ACVR1: variants seen among roughly 807,000 people sequenced by gnomAD.
ACVR1 encodes activin A receptor type 1, also known as activin receptor type-1.
A neutral mutation model predicts 57.1 loss-of-function variants in ACVR1; 38 were observed. That is an observed-to-expected ratio of 0.67 (90% confidence interval 0.51 to 0.87). The LOEUF is 0.87. ACVR1 is among the 40% of genes least tolerant of loss of function. The pLI, the probability that ACVR1 is intolerant of heterozygous loss-of-function variation, is 0.00. For missense variants in ACVR1, 463 were observed against 638.2 expected (o/e 0.73, Z 2.96); for synonymous variants, 212 against 228.1 (o/e 0.93, Z 0.63).
At chr2:157,744,551 C>T (rs1684891068) in intron 9 of ACVR1, among the ~76,000 whole-genome samples, 1 of 152,030 alleles carries the variant, frequency 6.6e-6, no homozygotes, top group African/African-American at 2.4e-5. Flanking sequence ...AAAGAGTTAG[C>T]CAATTTGAAG....
At chr2:157,850,350 A>G (rs2105364231) in intron 1 of ACVR1, among the ~76,000 whole-genome samples, 1 of 152,156 alleles carries the variant, frequency 6.6e-6, no homozygotes, top group South Asian at 2.1e-4. Context: ...AGATCGTGCC[A>G]ATGTACTCCA....
chr2:157,810,148 T>G (rs182486108), intron 2 of ACVR1, among the ~76,000 whole-genome samples: 9 of 152,298 alleles, frequency 5.9e-5, no homozygotes, highest in Non-Finnish European at 8.8e-5. Flanking sequence ...AGAATAGTAT[T>G]CTCACCTCAG....
chr2:157,813,999 A>T (rs1441728770), intron 2 of ACVR1, among the ~76,000 whole-genome samples: 3 of 152,234 alleles, frequency 2.0e-5, no homozygotes, highest in African/African-American at 7.2e-5. Context: ...CATTTCCTCC[A>T]ATGTAAGTAA....
chr2:157,788,815 A>G (rs1297314915), intron 3 of ACVR1, among the ~76,000 whole-genome samples: 2 of 147,816 alleles, frequency 1.4e-5, no homozygotes. Flanking sequence ...CAAAAGGGTA[A>G]AAACTTGGGG....
chr2:157,781,341 T>C (rs1574057974), intron 3 of ACVR1, among the ~76,000 whole-genome samples: 1 of 152,340 alleles, frequency 6.6e-6, no homozygotes, highest in East Asian at 1.9e-4. Flanking sequence ...TATCAGGTTT[T>C]GGGATTTGAG....
intron 7 of ACVR1, among the ~76,000 whole-genome samples, chr2:157,768,130 A>G (rs572647347): frequency 1.3e-5 from 2 of 152,154 alleles, no homozygotes; most frequent in South Asian, 4.1e-4. Context: ...ATAATATTTT[A>G]GCACCTTCAC....
intron 6 of ACVR1, 33 bp downstream of exon 6, chr2:157,774,055 A>T: frequency 6.3e-7 from 1 of 1,578,336 alleles, no homozygotes. Flanking sequence ...AACATTGCAT[A>T]TTACCCACAA....
chr2:157,784,650 AG>A (rs1686647719), intron 3 of ACVR1, among the ~76,000 whole-genome samples: 1 of 152,242 alleles, frequency 6.6e-6, no homozygotes, highest in Non-Finnish European at 1.5e-5. Context: ...TGGGAACAGC[AG>A]GGAGTTCTGA....
intron 3 of ACVR1, among the ~76,000 whole-genome samples, chr2:157,790,631 T>C (rs1686875744): frequency 6.6e-6 from 1 of 152,262 alleles, no homozygotes; most frequent in Non-Finnish European, 1.5e-5. Context: ...GAGCCACCTG[T>C]AACAGTTCTA....
At chr2:157,818,886 G>A (rs974019660) in intron 1 of ACVR1, among the ~76,000 whole-genome samples, 12 of 151,644 alleles carry the variant, frequency 7.9e-5, no homozygotes, top group East Asian at 1.9e-4. Flanking sequence ...AGACCATCCC[G>A]GCTAAAACGG....
At chr2:157,814,521 CGTT>C (rs747975763) in intron 2 of ACVR1, among the ~76,000 whole-genome samples, 13 of 152,136 alleles carry the variant, frequency 8.5e-5, no homozygotes, top group Admixed American at 3.3e-4. Flanking sequence ...TCTCACCCAT[CGTT>C]GTTAAATCTA....
At chr2:157,737,887 C>A (rs1684597111) in intron 10 of ACVR1, among the ~76,000 whole-genome samples, 1 of 152,148 alleles carries the variant, frequency 6.6e-6, no homozygotes, top group Non-Finnish European at 1.5e-5. Flanking sequence ...CTTAATGCTA[C>A]CAATTTATTA....
intron 2 of ACVR1, among the ~76,000 whole-genome samples, chr2:157,811,368 C>T (rs896092460): frequency 1.3e-5 from 2 of 152,156 alleles, no homozygotes; most frequent in African/African-American, 4.8e-5. Flanking sequence ...GTCATTTCCC[C>T]ACTCCCTGTC....
At chr2:157,809,009 A>T (rs1183288484) in intron 2 of ACVR1, among the ~76,000 whole-genome samples, 1 of 152,256 alleles carries the variant, frequency 6.6e-6, no homozygotes, top group African/African-American at 2.4e-5. Flanking sequence ...CTTTACAAAA[A>T]GGAACTCTTG....
intron 8 of ACVR1, among the ~76,000 whole-genome samples, chr2:157,763,799 G>A (rs941551457): frequency 1.3e-5 from 2 of 152,068 alleles, no homozygotes; most frequent in South Asian, 2.1e-4. Context: ...GGTATATACT[G>A]GTAAGTTATA....
intron 9 of ACVR1, among the ~76,000 whole-genome samples, chr2:157,753,251 C>T (rs895102506): frequency 3.9e-5 from 6 of 152,178 alleles, no homozygotes; most frequent in East Asian, 3.9e-4. Flanking sequence ...CCTTGACAGC[C>T]GGGTGTGGTG....
chr2:157,794,577 C>T (rs1687034704), intron 3 of ACVR1, among the ~76,000 whole-genome samples: 1 of 152,130 alleles, frequency 6.6e-6, no homozygotes, highest in African/African-American at 2.4e-5. Context: ...AACACCATTC[C>T]TCAAAGTATA....
intron 3 of ACVR1, among the ~76,000 whole-genome samples, chr2:157,797,420 T>C (rs1168301275): frequency 2.6e-5 from 4 of 152,208 alleles, no homozygotes; most frequent in Non-Finnish European, 5.9e-5. Flanking sequence ...CTGTCCCATC[T>C]GATCATAAAG....
chr2:157,834,032 T>C (rs535294778), intron 1 of ACVR1, among the ~76,000 whole-genome samples: 1 of 152,318 alleles, frequency 6.6e-6, no homozygotes, highest in South Asian at 2.1e-4. Context: ...CTTCCAGTTT[T>C]TTAATAATAC....
Sources: gnomAD v4.1 joint callset for allele counts (sites outside exome capture counted in the v4.1 genomes callset) on GRCh38, gnomAD v4.1.1 for gene constraint, MANE v1.5 for transcripts, NCBI Gene and HGNC (gene_info 2026-07-23, HGNC 2026-07-21) for gene names.